The following PTPRT variants were observed in gnomAD, a reference collection of about 807,000 sequenced individuals.
PTPRT encodes protein tyrosine phosphatase receptor type T, also known as receptor-type tyrosine-protein phosphatase T.
Under a neutral mutation model 176.8 loss-of-function variants are expected in PTPRT, and 56 were observed. The observed-to-expected ratio is 0.32, with a 90% CI of 0.26 to 0.40. The LOEUF (loss-of-function observed/expected upper bound fraction) is 0.40. PTPRT is among the 10% of genes least tolerant of loss of function. The pLI, the probability that PTPRT is intolerant of heterozygous loss-of-function variation, is 1.00. For missense variants in PTPRT, 1,540 were observed against 1,908.2 expected (o/e 0.81, Z 3.60); for synonymous variants, 783 against 739.0 (o/e 1.06, Z -0.96).
intron 6 of PTPRT, among the ~76,000 whole-genome samples, chr20:42,716,174 A>C (rs1396813707): frequency 6.6e-6 from 1 of 152,170 alleles, no homozygotes; most frequent in East Asian, 1.9e-4. Context: ...GCTCTGCTAA[A>C]TAGCTCGGAT....
intron 9 of PTPRT, among the ~76,000 whole-genome samples, chr20:42,372,256 C>T (rs993098804): frequency 6.8e-6 from 1 of 146,268 alleles, no homozygotes; most frequent in Admixed American, 6.9e-5. Flanking sequence ...GACTGTTAAA[C>T]AGAAGACAGG....
chr20:42,429,492 C>G (rs1375430955), intron 9 of PTPRT, among the ~76,000 whole-genome samples: 1 of 152,098 alleles, frequency 6.6e-6, no homozygotes, highest in African/African-American at 2.4e-5. Context: ...TTCCCTTGGT[C>G]TCCTCCCTCT....
intron 1 of PTPRT, among the ~76,000 whole-genome samples, chr20:43,142,151 G>T (rs1226333349): frequency 6.6e-6 from 1 of 152,190 alleles, no homozygotes; most frequent in African/African-American, 2.4e-5. Context: ...CCATGCCCTA[G>T]GCACCTGGAA....
intron 1 of PTPRT, among the ~76,000 whole-genome samples, chr20:42,959,882 G>A (rs928663925): frequency 6.6e-6 from 1 of 152,118 alleles, no homozygotes. Flanking sequence ...TAGCCCAGCC[G>A]ACAATGGACA....
chr20:42,842,037 T>A (rs1039352022), intron 2 of PTPRT, among the ~76,000 whole-genome samples: 18 of 152,262 alleles, frequency 1.2e-4, no homozygotes, highest in Non-Finnish European at 2.6e-4. Context: ...CAGTAATTTT[T>A]AAAAAAAATT....
intron 9 of PTPRT, among the ~76,000 whole-genome samples, chr20:42,432,461 G>T (rs909764827): frequency 6.6e-6 from 1 of 152,142 alleles, no homozygotes; most frequent in Non-Finnish European, 1.5e-5. Flanking sequence ...TGGCCAAGGG[G>T]ACCCCAGAGA....
At chr20:42,362,208 G>A (rs1402158411) in intron 9 of PTPRT, among the ~76,000 whole-genome samples, 1 of 152,132 alleles carries the variant, frequency 6.6e-6, no homozygotes, top group Non-Finnish European at 1.5e-5. Flanking sequence ...TCGAGGCTGC[G>A]GTTAGGCAAG....
At chr20:42,061,599 C>T in the PTPRT span, among the ~76,000 whole-genome samples, 1 of 151,972 alleles carries the variant, frequency 6.6e-6, no homozygotes, top group African/African-American at 2.4e-5. Flanking sequence ...ATTAATTTTG[C>T]TTTGTCTTTG....
chr20:42,404,729 ACTG>A (rs1341178370), intron 9 of PTPRT, among the ~76,000 whole-genome samples: 1 of 152,048 alleles, frequency 6.6e-6, no homozygotes, highest in African/African-American at 2.4e-5. Context: ...ACTAAATATG[ACTG>A]CTATGTCTTA....
At chr20:42,244,427 T>G (rs2056412809) in intron 14 of PTPRT, among the ~76,000 whole-genome samples, 1 of 152,188 alleles carries the variant, frequency 6.6e-6, no homozygotes, top group African/African-American at 2.4e-5. Flanking sequence ...TAGGACGAGC[T>G]GGGCAGGGGA....
At chr20:42,448,126 T>A (rs2070765515) in intron 9 of PTPRT, 94 bp downstream of exon 9, 1 of 985,218 alleles carries the variant, frequency 1.0e-6, no homozygotes, top group Admixed American at 1.8e-5. Flanking sequence ...TTACTCACCT[T>A]TATACGTTCA....
At chr20:42,190,764 G>A (rs1478766614) in intron 16 of PTPRT, among the ~76,000 whole-genome samples, 3 of 152,208 alleles carry the variant, frequency 2.0e-5, no homozygotes, top group African/African-American at 7.2e-5. Context: ...AGATGACTCA[G>A]TGTCTGTGGC....
intron 7 of PTPRT, among the ~76,000 whole-genome samples, chr20:42,475,949 G>C (rs531184262): frequency 5.1e-4 from 77 of 152,270 alleles, no homozygotes; most frequent in African/African-American, 1.8e-3. Flanking sequence ...CTGTCACGGC[G>C]GGCCCCGGGT....
the PTPRT span, among the ~76,000 whole-genome samples, chr20:42,033,214 G>A: frequency 1.0e-3 from 158 of 152,308 alleles, no homozygotes; most frequent in East Asian, 0.026. Context: ...ATATAGGAAG[G>A]CGAAGAGTCT....
At position 42,078,528 on chromosome 20, in the gene PTPRT, T is replaced by C; in HGVS notation, c.*2351A>G. On this transcript the variant is annotated 3_prime_UTR_variant, in exon 31 of 31. Coordinates refer to ENST00000373187, the MANE Select transcript of PTPRT (RefSeq NM_007050.6). The stretch of plus-strand genomic sequence containing the variant: ...AAGGGAATGTTTTCACAGTGTCTGA[T>C]GAAAGGAAAAGAGGCAGCCCCATTG... 1 of 198,694 alleles carries C rather than the reference T, an allele frequency of 5.0e-6. No individual in the cohort carries two copies. The highest frequency in any genetic ancestry group is 1.0e-5 in the Non-Finnish European group (1 of 95,692). The allele number at this position is 198,694 out of a possible 1,614,324, so 12.3% of individuals were successfully genotyped here. A position where few individuals can be genotyped will look rare whatever the true frequency, so the allele number is the denominator to read the frequency against.
chr20:42,478,976 CA>C (rs1411152662), intron 7 of PTPRT, among the ~76,000 whole-genome samples: 1 of 152,100 alleles, frequency 6.6e-6, no homozygotes, highest in Non-Finnish European at 1.5e-5. Flanking sequence ...TAATAGAGGG[CA>C]GGGGAAAAGC....
chr20:42,174,651 A>G (rs1990214299), intron 16 of PTPRT, among the ~76,000 whole-genome samples: 2 of 152,162 alleles, frequency 1.3e-5, no homozygotes, highest in South Asian at 4.1e-4. Flanking sequence ...AGAATCTGAT[A>G]TATTGAGGAA....
At chr20:42,321,148 C>G (rs1428956431) in intron 11 of PTPRT, among the ~76,000 whole-genome samples, 1 of 152,176 alleles carries the variant, frequency 6.6e-6, no homozygotes, top group African/African-American at 2.4e-5. Flanking sequence ...TAATCTCTCA[C>G]CAATCATAGT....
chr20:42,199,539 A>C lies in PTPRT; in HGVS notation c.2343-151T>G, dbSNP rs1159725925. Reference sequence around the variant, plus strand: ...AGAATCAAGGCAGAACAAACCATGAATGGTTTCCATTTACTCAGAAATATG... The same window carrying C: ...AGAATCAAGGCAGAACAAACCATGACTGGTTTCCATTTACTCAGAAATATG... On this transcript the variant is annotated intron_variant, in intron 15 of 30. Transcript: ENST00000373187. 3.5e-6 allele frequency: 3 copies of C among 863,892 alleles called. No homozygotes were observed. The East Asian group carries it at 7.6e-5, about 22-fold the overall frequency. The allele number at this position is 863,892 out of a possible 1,614,324, so 53.5% of individuals were successfully genotyped here. A position where few individuals can be genotyped will look rare whatever the true frequency, so the allele number is the denominator to read the frequency against.
Sources: allele counts gnomAD v4.1 joint callset (sites outside exome capture counted in the v4.1 genomes callset), GRCh38; gene constraint gnomAD v4.1.1; transcripts MANE v1.5; gene names NCBI Gene and HGNC (gene_info 2026-07-23, HGNC 2026-07-21).